The following MTHFD1L variants were observed in gnomAD, a reference collection of about 807,000 sequenced individuals.
The protein encoded by MTHFD1L is monofunctional C1-tetrahydrofolate synthase, mitochondrial.
In MTHFD1L, 81 loss-of-function variants were observed where a neutral mutation model predicts 119.5. The observed-to-expected ratio is 0.68, with a 90% CI of 0.57 to 0.82. MTHFD1L has a LOEUF of 0.82. Among genes scored for constraint, MTHFD1L ranks in the 40% least tolerant of loss-of-function variants. MTHFD1L has a pLI of 0.00. For synonymous variants in MTHFD1L, 430 were observed against 475.2 expected (o/e 0.90, Z 1.24); for missense variants, 1,125 against 1,253.4 (o/e 0.90, Z 1.55).
chr6:150,971,271 A>ACTGCAACCTCCACCTCC (rs1353775702), intron 19 of MTHFD1L, among the ~76,000 whole-genome samples: 5 of 152,112 alleles, frequency 3.3e-5, no homozygotes, highest in African/African-American at 7.2e-5. Context: ...ATCTCAGCTC[A>ACTGCAACCTCCACCTCC]CTGCAACCTC....
chr6:151,011,141 T>C (rs1177395843), intron 21 of MTHFD1L, among the ~76,000 whole-genome samples: 1 of 152,202 alleles, frequency 6.6e-6, no homozygotes, highest in Non-Finnish European at 1.5e-5. Context: ...CCACTCCTAA[T>C]ACCCGACACT....
chr6:151,044,518 G>T (rs962291926), intron 26 of MTHFD1L, among the ~76,000 whole-genome samples: 4 of 151,812 alleles, frequency 2.6e-5, no homozygotes, highest in African/African-American at 7.3e-5. Context: ...GTTCAGGCTG[G>T]TCTCAAACTC....
At chr6:150,914,510 T>C (rs959190044) in intron 8 of MTHFD1L, among the ~76,000 whole-genome samples, 2 of 151,834 alleles carry the variant, frequency 1.3e-5, no homozygotes, top group African/African-American at 4.8e-5. Context: ...AACTTAACAA[T>C]GTGCCAGGTG....
chr6:150,981,394 G>A (rs1445473906), intron 20 of MTHFD1L, among the ~76,000 whole-genome samples: 2 of 152,212 alleles, frequency 1.3e-5, no homozygotes, highest in Admixed American at 6.5e-5. Flanking sequence ...CCGCGTTTCC[G>A]TCAAAAATTT....
intron 26 of MTHFD1L, among the ~76,000 whole-genome samples, chr6:151,058,322 G>A (rs1328079969): frequency 1.3e-5 from 2 of 152,228 alleles, no homozygotes; most frequent in Non-Finnish European, 2.9e-5. Context: ...AGTGGAGGAG[G>A]TGGCGTGGGA....
At chr6:150,877,528 T>G (rs1362207529) in intron 2 of MTHFD1L, 106 bp from the exon 3 acceptor site, 5 of 1,269,764 alleles carry the variant, frequency 3.9e-6, no homozygotes, top group Non-Finnish European at 5.6e-6. Flanking sequence ...CCTTCCATAT[T>G]ATCTTTGTAA....
At position 151,037,033 on chromosome 6, in the gene MTHFD1L, A is replaced by T; in HGVS notation, c.2763A>T (p.Lys921Asn). ...HLSLSHQPDK[K>N]GVPRDFILPI... ...CTCTATCTCACCAACCTGACAAAAA[A>T]GGTGTGCCAAGGGACTTCATCTTAC... The change falls in exon 26 of 28, where the codon AAA becomes AAT. Residue 921 changes from lysine to asparagine, a missense_variant. This residue lies in a region of MTHFD1L where 61 missense variants were observed against 78.9 expected (regional missense o/e 0.77). Coordinates refer to ENST00000367321, the MANE Select transcript of MTHFD1L (RefSeq NM_015440.5). 6.2e-7 allele frequency: 1 copy of T among 1,611,990 alleles called. No homozygotes were observed. Among genetic ancestry groups the T allele is most frequent in the Non-Finnish European group, 8.5e-7 (1 of 1,179,850 alleles).
intron 20 of MTHFD1L, among the ~76,000 whole-genome samples, chr6:150,981,389 T>C (rs927544739): frequency 6.6e-6 from 1 of 152,242 alleles, no homozygotes; most frequent in African/African-American, 2.4e-5. Flanking sequence ...TATTACCGCG[T>C]TTCCGTCAAA....
intron 25 of MTHFD1L, among the ~76,000 whole-genome samples, chr6:151,036,286 T>C (rs886249063): frequency 3.9e-5 from 6 of 152,084 alleles, no homozygotes; most frequent in African/African-American, 1.4e-4. Context: ...GTGTCAAGTA[T>C]GTGGTTGCAA....
intron 7 of MTHFD1L, chr6:150,899,082 C>A: frequency 2.9e-6 from 2 of 688,806 alleles, no homozygotes; most frequent in Non-Finnish European, 3.6e-6. Context: ...TCTTTTCTAG[C>A]ATTTTGGACA....
At chr6:151,000,393 G>A (rs1007531598) in intron 20 of MTHFD1L, among the ~76,000 whole-genome samples, 1 of 151,250 alleles carries the variant, frequency 6.6e-6, no homozygotes, top group African/African-American at 2.4e-5. Context: ...TTTCCTTTAG[G>A]TCTCCTGATA....
At position 151,009,942 on chromosome 6, in the gene MTHFD1L, A is replaced by G. The variant is rs1309080136; in HGVS notation, c.2249A>G (p.His750Arg). Residue 750 changes from histidine (H) to arginine (R), a missense_variant, in exon 21 of 28, where the codon CAT (histidine) becomes CGT (arginine). By Grantham distance (29) the His-to-Arg change is conservative. This residue lies in a region of MTHFD1L where 1,058 missense variants were observed against 1,151.2 expected (regional missense o/e 0.92). Coordinates refer to ENST00000367321, the MANE Select transcript of MTHFD1L (RefSeq NM_015440.5). The part of the protein sequence containing the change: ...LVATVRALKM[H>R]GGGPSVTAGV... The stretch of plus-strand genomic sequence containing the variant: ...GCAACGGTGCGAGCTCTGAAGATGC[A>G]TGGAGGCGGGCCAAGTGTAAGTGCC... The G allele has an allele frequency of 6.2e-7, 1 of 1,609,112 alleles. No homozygotes were observed. Among genetic ancestry groups the G allele is most frequent in the Non-Finnish European group, 8.5e-7 (1 of 1,178,218 alleles).
chr6:150,897,142 A>G (rs923816370), intron 7 of MTHFD1L, among the ~76,000 whole-genome samples: 4 of 152,146 alleles, frequency 2.6e-5, no homozygotes, highest in African/African-American at 9.7e-5. Flanking sequence ...GGGTGGGGGC[A>G]TGTAATTAAC....
intron 1 of MTHFD1L, among the ~76,000 whole-genome samples, chr6:150,870,852 G>A (rs989488610): frequency 6.6e-6 from 1 of 150,952 alleles, no homozygotes; most frequent in African/African-American, 2.4e-5. Flanking sequence ...TGGAGGTTGT[G>A]GGGAGGCGGA....
intron 7 of MTHFD1L, among the ~76,000 whole-genome samples, chr6:150,896,236 C>T (rs912533243): frequency 2.6e-5 from 4 of 152,296 alleles, no homozygotes; most frequent in African/African-American, 9.6e-5. Flanking sequence ...CCTAGACATT[C>T]GACTTGTGTT....
intron 26 of MTHFD1L, chr6:151,041,875 G>A (rs770994547): frequency 1.7e-5 from 9 of 521,558 alleles, no homozygotes; most frequent in Non-Finnish European, 3.5e-5. Context: ...GGCTTTGGAA[G>A]ACCCCATGGT....
At chr6:150,888,864 G>A (rs1438358985) in intron 7 of MTHFD1L, among the ~76,000 whole-genome samples, 1 of 152,134 alleles carries the variant, frequency 6.6e-6, no homozygotes, top group Non-Finnish European at 1.5e-5. Flanking sequence ...AGGTACCACA[G>A]ATCAGTGGGG....
At chr6:150,958,047 A>G (rs1795900262) in intron 17 of MTHFD1L, among the ~76,000 whole-genome samples, 1 of 152,182 alleles carries the variant, frequency 6.6e-6, no homozygotes, top group Non-Finnish European at 1.5e-5. Context: ...TAGTTCCATT[A>G]CATATATTAG....
chr6:150,866,257 C>G (rs1290528812), intron 1 of MTHFD1L: 1 of 1,434,232 alleles, frequency 7.0e-7, no homozygotes, highest in African/African-American at 1.5e-5. Flanking sequence ...ATCCAGTACC[C>G]GACCGGGCCC....
Sources: gnomAD v4.1 joint callset for allele counts (sites outside exome capture counted in the v4.1 genomes callset) on GRCh38, gnomAD v4.1.1 for gene constraint, gnomAD v4.1.1 regional missense constraint, MANE v1.5 for transcripts, NCBI Gene and HGNC (gene_info 2026-07-23, HGNC 2026-07-21) for gene names.